Variants in GBP1 observed in about 807,000 individuals in gnomAD.
GBP1 encodes guanylate binding protein 1.
Under a neutral mutation model 69.5 loss-of-function variants are expected in GBP1, and 64 were observed. That is an observed-to-expected ratio of 0.92 (90% CI 0.75 to 1.13). The LOEUF is 1.13. GBP1 is among the 50% of genes most tolerant of loss of function. The pLI is 0.00. For synonymous variants in GBP1, 250 were observed against 261.2 expected, an observed-to-expected ratio of 0.96 and a Z score of 0.41; for missense variants, 630 against 704.1, an observed-to-expected ratio of 0.89 and a Z score of 1.19.
In GBP1 at chr1:89,057,042, C is replaced by T; in HGVS notation, c.967G>A (p.Glu323Lys). The stretch of plus-strand genomic sequence containing the variant: ...GCCTTTTGCACTGCAGCTGAGTTCT[C>T]TATCTGGGCCAAGGCCAGGACTGCG... Reference protein sequence around the residue: ...ENAVLALAQIENSAAVQKAIA... With the variant: ...ENAVLALAQIKNSAAVQKAIA... Residue 323 changes from glutamate (E) to lysine (K), a missense_variant, in exon 7 of 11, where the codon GAG becomes AAG. Physicochemically the swap from Glu to Lys is moderately conservative, Grantham distance 56. This residue lies in a region of GBP1 where 367 missense variants were observed against 369.5 expected (regional missense o/e 0.99). Transcript: ENST00000370473. 1 of 1,614,240 alleles carries T rather than the reference C, an allele frequency of 6.2e-7. No homozygotes were observed. Among genetic ancestry groups the T allele is most frequent in the Non-Finnish European group, 8.5e-7 (1 of 1,180,038 alleles).
Position 89,056,944 on chromosome 1 carries a change from G to T in GBP1, c.1065C>A (p.Asp355Glu), listed in dbSNP as rs746746558. ...CCTCTCTCTCACTGTCCCTGTGCAG[G>T]TCCAGCAGCTCCTGGAGGGTTTCTG... ...LPTETLQELL[D>E]LHRDSEREAI... The change falls in exon 7 of 11, where the codon GAC (aspartate) becomes GAA (glutamate). Residue 355 changes from aspartate (D) to glutamate (E), a missense_variant. Transcript: ENST00000370473. The T allele has an allele frequency of 3.7e-6, 6 of 1,614,078 alleles. No individual in the cohort carries two copies. Among genetic ancestry groups the T allele is most frequent in the Non-Finnish European group, 5.1e-6 (6 of 1,180,034 alleles).
At position 89,058,683 on chromosome 1, in the gene GBP1, A is replaced by G. The variant is rs188126562; in HGVS notation, c.631+158T>C. The G allele has an allele frequency of 9.7e-5, 69 of 711,044 alleles. No individual in the cohort carries two copies. In the African/African-American group the frequency reaches 1.1e-3, roughly 11 times the overall value. The allele number at this position is 711,044 out of a possible 1,614,324, so 44.0% of individuals were successfully genotyped here. ...AATGACAAATGTAATTTAAAATAACATCTATTAATTTGGATATTCAGCAAG... is the reference window on the plus strand; with the variant it reads ...AATGACAAATGTAATTTAAAATAACGTCTATTAATTTGGATATTCAGCAAG... On this transcript the variant is annotated intron_variant, in intron 5 of 10. Transcript: ENST00000370473.
chr1:89,056,988 G>A lies in GBP1; in HGVS notation c.1021C>T (p.Gln341Ter). 1 of 1,614,192 alleles carries A rather than the reference G, an allele frequency of 6.2e-7. No homozygotes were observed. The highest frequency in any genetic ancestry group is 8.5e-7 in the Non-Finnish European group (1 of 1,180,034). Residue 341 changes from glutamine (Q) to a stop codon, truncating the protein, a stop_gained, in exon 7 of 11, where the codon CAG becomes TAG. Coordinates refer to ENST00000370473, the MANE Select transcript of GBP1 (RefSeq NM_002053.3). LOFTEE classifies it high-confidence loss of function. ...GTTTCTGTGGGCAGCTGCACCTTCT[G>A]GCCCATCTGCTGTTCATAGTGGGCA... ...AIAHYEQQMG[Q>*]KVQLPTETLQ...
intron 2 of GBP1, chr1:89,062,770 A>T: frequency 2.8e-6 from 1 of 351,404 alleles, no homozygotes. Context: ...TATTATAGTT[A>T]TTATTATGTA....
Position 89,058,941 on chromosome 1 carries a change from G to A in GBP1, c.531C>T (p.Asp177=), listed in dbSNP as rs1048403. The change falls in exon 5 of 11, where the codon GAC becomes GAT. Residue 177 remains aspartate, a synonymous_variant. Coordinates refer to ENST00000370473, the MANE Select transcript of GBP1 (RefSeq NM_002053.3). ...AGAAATCTCTCAGTGTCCACACAAA[G>A]TCTGGGAAGAAGCTCACAAAGTCAG... is the stretch of plus-strand genomic sequence containing the variant. ...DSADFVSFFP[D]FVWTLRDFSL... 5.5e-5 allele frequency: 89 copies of A among 1,614,150 alleles called. No homozygotes were observed. In the Middle Eastern group the frequency reaches 1.5e-3, roughly 27 times the overall value.
At chr1:89,056,319 G>A in intron 7 of GBP1, 91 bp from the exon 8 acceptor site, 2 of 1,599,666 alleles carry the variant, frequency 1.3e-6, no homozygotes, top group Middle Eastern at 2.2e-4. Context: ...GAAAATAGAA[G>A]TCAATGATGC....
At chr1:89,063,339 A>C in intron 1 of GBP1, 86 bp from the exon 2 acceptor site, 4 of 1,264,444 alleles carry the variant, frequency 3.2e-6, no homozygotes, top group Non-Finnish European at 4.4e-6. Context: ...GTATGGCCAA[A>C]AGTTTTGTGT....
intron 1 of GBP1, 25 bp downstream of exon 1, chr1:89,065,135 G>A (rs1416008100): frequency 6.6e-6 from 1 of 152,222 alleles, no homozygotes. Flanking sequence ...AAAGCTGCTT[G>A]ATGAGAAGTA....
Position 89,063,259 on chromosome 1 carries a change from A to G in GBP1, c.-19-6T>C. Reference sequence around the variant, plus strand: ...TGTCCAGGCTGTTCCCTTGTCTGCAAGAGAAGAGGTGAAATACATGAGAAT... The same window carrying G: ...TGTCCAGGCTGTTCCCTTGTCTGCAGGAGAAGAGGTGAAATACATGAGAAT... On this transcript the variant is annotated splice_region_variant and splice_polypyrimidine_tract_variant and intron_variant, in intron 1 of 10. Transcript: ENST00000370473. The G allele has an allele frequency of 6.2e-7, 1 of 1,609,182 alleles. No homozygotes were observed. The highest frequency in any genetic ancestry group is 8.5e-7 in the Non-Finnish European group (1 of 1,176,164).
At chr1:89,059,770 T>A (rs1405198087) in intron 3 of GBP1, among the ~76,000 whole-genome samples, 1 of 152,140 alleles carries the variant, frequency 6.6e-6, no homozygotes, top group Non-Finnish European at 1.5e-5. Context: ...CTTCTTTTTT[T>A]CAATAACAGA....
chr1:89,058,947 G>A lies in GBP1; in HGVS notation c.525C>T (p.Phe175=), dbSNP rs749010441. 22 of 1,614,174 alleles carry A rather than the reference G, an allele frequency of 1.4e-5. No individual in the cohort carries two copies. The highest frequency in any genetic ancestry group is 1.9e-5 in the Non-Finnish European group (22 of 1,180,042). Residue 175 remains phenylalanine, a synonymous_variant, in exon 5 of 11, where the codon TTC becomes TTT. Coordinates refer to ENST00000370473, the MANE Select transcript of GBP1 (RefSeq NM_002053.3). ...VEDSADFVSF[F]PDFVWTLRDF... ...CTCTCAGTGTCCACACAAAGTCTGG[G>A]AAGAAGCTCACAAAGTCAGCTGAAT... is the stretch of plus-strand genomic sequence containing the variant.
chr1:89,053,101 A>T lies in GBP1; in HGVS notation c.*254T>A, dbSNP rs1679959302. On this transcript the variant is annotated 3_prime_UTR_variant, in exon 11 of 11. Transcript: ENST00000370473. ...TACTGCTGGTCATCTGGAAGAATAAACTTCTCCTGAGTGGTACCAGCTTAT... is the reference window on the plus strand; with the variant it reads ...TACTGCTGGTCATCTGGAAGAATAATCTTCTCCTGAGTGGTACCAGCTTAT... 1 of 333,830 alleles carries T rather than the reference A, an allele frequency of 3.0e-6. No individual in the cohort carries two copies. The highest frequency in any genetic ancestry group is 5.4e-6 in the Non-Finnish European group (1 of 186,286). 20.7% of individuals were successfully genotyped at this position (333,830 alleles called of 1,614,324 possible).
Position 89,058,472 on chromosome 1 carries a change from G to A in GBP1, c.632-238C>T, listed in dbSNP as rs147702021. 603 of 529,460 alleles carry A rather than the reference G, an allele frequency of 1.1e-3. 7 individuals are homozygous for A. The highest frequency in any genetic ancestry group is 0.01 in the African/African-American group (550 of 52,570). 32.8% of individuals were successfully genotyped at this position (529,460 alleles called of 1,614,324 possible). ...GCAGGATTTGCCATGATTTGTCTTG[G>A]GCTGTAGTTTGCCAATGCTTGGACT... On this transcript the variant is annotated intron_variant, in intron 5 of 10. Coordinates refer to ENST00000370473, the MANE Select transcript of GBP1 (RefSeq NM_002053.3).
At chr1:89,059,198 C>A in intron 4 of GBP1, 119 bp downstream of exon 4, 1 of 1,602,294 alleles carries the variant, frequency 6.2e-7, no homozygotes, top group East Asian at 2.2e-5. Context: ...TCTGTACTTG[C>A]ATTATTTTTT....
chr1:89,063,736 T>C (rs1176098304), intron 1 of GBP1, among the ~76,000 whole-genome samples: 1 of 152,240 alleles, frequency 6.6e-6, no homozygotes, highest in African/African-American at 2.4e-5. Flanking sequence ...TTCCTCCATC[T>C]TCAAATGATT....
chr1:89,055,056 A>G, intron 9 of GBP1, 57 bp downstream of exon 9: 1 of 1,540,018 alleles, frequency 6.5e-7, no homozygotes, highest in Non-Finnish European at 8.8e-7. Context: ...TATCCAGTCA[A>G]GTTATTTCAA....
In GBP1 at chr1:89,060,307, T is replaced by C. The variant is rs1435980765; in HGVS notation, c.208A>G (p.Thr70Ala). 6.3e-7 allele frequency: 1 copy of C among 1,596,718 alleles called. No homozygotes were observed. The highest frequency in any genetic ancestry group is 1.8e-5 in the Admixed American group (1 of 56,334). ...ATTCCTTTAGTGTGAGACTGCACCGTGGAGCCCAGAGAGAAGCCTGCAAGG... is the reference window on the plus strand; with the variant it reads ...ATTCCTTTAGTGTGAGACTGCACCGCGGAGCCCAGAGAGAAGCCTGCAAGG... ...GKKKGFSLGS[T>A]VQSHTKGIWM... Residue 70 changes from threonine to alanine, a missense_variant, in exon 3 of 11, where the codon ACG (threonine) becomes GCG (alanine). Physicochemically the swap from Thr to Ala is moderately conservative, Grantham distance 58. Transcript: ENST00000370473.
chr1:89,059,123 C>A, intron 4 of GBP1, 80 bp from the exon 5 acceptor site: 1 of 1,598,432 alleles, frequency 6.3e-7, no homozygotes, highest in Non-Finnish European at 8.5e-7. Flanking sequence ...CCAAACCTTC[C>A]ATTTTCCTTT....
At chr1:89,055,918 C>A in intron 8 of GBP1, 98 bp downstream of exon 8, 1 of 1,432,484 alleles carries the variant, frequency 7.0e-7, no homozygotes, top group Non-Finnish European at 9.8e-7. Context: ...GTTATGCAAA[C>A]AAAAAAGCAC....
Sources: gnomAD v4.1 joint callset for allele counts (sites outside exome capture counted in the v4.1 genomes callset) on GRCh38, gnomAD v4.1.1 for gene constraint, gnomAD v4.1.1 regional missense constraint, MANE v1.5 for transcripts, NCBI Gene and HGNC (gene_info 2026-07-23, HGNC 2026-07-21) for gene names.